Variants in TTC23L observed in about 807,000 individuals in gnomAD.
TTC23L encodes tetratricopeptide repeat protein 23-like.
In TTC23L, 42 loss-of-function variants were observed where a neutral mutation model predicts 48.1. That is an observed-to-expected ratio of 0.87 (90% CI 0.68 to 1.13). The LOEUF (loss-of-function observed/expected upper bound fraction) is 1.13. TTC23L is among the 50% of genes most tolerant of loss of function. The pLI, the probability that TTC23L is intolerant of heterozygous loss-of-function variation, is 0.00. For synonymous variants in TTC23L, 159 were observed against 157.2 expected, an observed-to-expected ratio of 1.01 and a Z score of -0.09; for missense variants, 391 against 421.0, an observed-to-expected ratio of 0.93 and a Z score of 0.62.
At chr5:34,880,893 C>T (rs1378450824) in intron 9 of TTC23L, among the ~76,000 whole-genome samples, 1 of 152,166 alleles carries the variant, frequency 6.6e-6, no homozygotes, top group Non-Finnish European at 1.5e-5. Context: ...CCTGCCTTGG[C>T]CTCCCACAGT....
chr5:34,840,295 G>C (rs574692938), intron 1 of TTC23L, among the ~76,000 whole-genome samples: 1 of 145,520 alleles, frequency 6.9e-6, no homozygotes, highest in African/African-American at 2.6e-5. Flanking sequence ...GTTTACCACT[G>C]AGAGTTGGTT....
chr5:34,891,956 A>AG (rs1322545704), intron 9 of TTC23L, among the ~76,000 whole-genome samples: 29 of 152,236 alleles, frequency 1.9e-4, no homozygotes, highest in African/African-American at 6.0e-4. Flanking sequence ...CCTACCAAGA[A>AG]AGTCCATATA....
intron 8 of TTC23L, among the ~76,000 whole-genome samples, chr5:34,873,557 A>C (rs938481777): frequency 2.6e-5 from 4 of 152,148 alleles, no homozygotes; most frequent in African/African-American, 9.7e-5. Flanking sequence ...AGGGATAAAA[A>C]CACACAGGTT....
At chr5:34,846,109 A>G (rs1432719297) in intron 3 of TTC23L, among the ~76,000 whole-genome samples, 1 of 152,166 alleles carries the variant, frequency 6.6e-6, no homozygotes, top group African/African-American at 2.4e-5. Flanking sequence ...GCTTGTGCCC[A>G]GGAAATTGAG....
At chr5:34,923,293 T>A in the TTC23L span, 1 of 1,346,798 alleles carries the variant, frequency 7.4e-7, no homozygotes, top group Non-Finnish European at 1.1e-6. Context: ...TTTATTTATG[T>A]TTTGAGACAG....
At chr5:34,922,529 T>C in the TTC23L span, 1 of 1,588,152 alleles carries the variant, frequency 6.3e-7, no homozygotes, top group Non-Finnish European at 8.6e-7. Flanking sequence ...GCTTACTCCA[T>C]ATCTTTCAGG....
chr5:34,915,763 C>A, the TTC23L span: 4 of 1,604,006 alleles, frequency 2.5e-6, no homozygotes, highest in East Asian at 2.2e-5. Context: ...GAGGAAACGG[C>A]GTGGAGGCTT....
chr5:34,878,674 A>G (rs1762019016), intron 8 of TTC23L, among the ~76,000 whole-genome samples: 1 of 152,212 alleles, frequency 6.6e-6, no homozygotes, highest in Non-Finnish European at 1.5e-5. Context: ...CTATTATGAA[A>G]AAGACAAAAA....
At chr5:34,865,726 T>G (rs1028315530) in intron 6 of TTC23L, among the ~76,000 whole-genome samples, 1 of 152,170 alleles carries the variant, frequency 6.6e-6, no homozygotes, top group African/African-American at 2.4e-5. Context: ...ATTTAGATAG[T>G]TTTTCATTCT....
At chr5:34,914,029 G>C in the TTC23L span, 9 of 456,328 alleles carry the variant, frequency 2.0e-5, no homozygotes, top group Non-Finnish European at 3.5e-5. Flanking sequence ...CCATGCCCCT[G>C]CATGAGGACA....
chr5:34,894,284 A>G (rs996082319), intron 9 of TTC23L, among the ~76,000 whole-genome samples: 1 of 152,076 alleles, frequency 6.6e-6, no homozygotes, highest in East Asian at 1.9e-4. Flanking sequence ...AAACAATGGG[A>G]AAAAAATGTC....
the TTC23L span, among the ~76,000 whole-genome samples, chr5:34,924,555 GT>G: frequency 2.6e-5 from 4 of 152,236 alleles, no homozygotes; most frequent in South Asian, 8.3e-4. Context: ...TTAAAATCCT[GT>G]TTAACCAGTT....
the TTC23L span, chr5:34,922,840 T>G: frequency 2.1e-6 from 3 of 1,413,306 alleles, no homozygotes; most frequent in South Asian, 3.6e-5. Flanking sequence ...GATATAGTTG[T>G]GTTATTCAAT....
At chr5:34,915,691 G>T in the TTC23L span, 1 of 1,540,704 alleles carries the variant, frequency 6.5e-7, no homozygotes, top group Non-Finnish European at 8.7e-7. Flanking sequence ...AAATAGGAGC[G>T]AGCGGCAGCG....
At chr5:34,920,069 GTTTGT>G in the TTC23L span, 2 of 407,068 alleles carry the variant, frequency 4.9e-6, no homozygotes, top group Non-Finnish European at 8.9e-6. Flanking sequence ...ATTCATTTCT[GTTTGT>G]TTTGTCTGAA....
intron 9 of TTC23L, among the ~76,000 whole-genome samples, chr5:34,887,694 G>T (rs1157000527): frequency 2.6e-5 from 4 of 152,122 alleles, no homozygotes; most frequent in Admixed American, 2.0e-4. Flanking sequence ...CTCTTAGAAC[G>T]CAGAGTGAAA....
At chr5:34,879,299 T>C (rs535724383) in intron 8 of TTC23L, among the ~76,000 whole-genome samples, 2 of 152,326 alleles carry the variant, frequency 1.3e-5, no homozygotes, top group East Asian at 3.9e-4. Flanking sequence ...GTAACAGAAT[T>C]GCACTTGTAC....
chr5:34,843,982 TAAAA>T (rs201569717), intron 2 of TTC23L, among the ~76,000 whole-genome samples: 2 of 151,330 alleles, frequency 1.3e-5, no homozygotes, highest in Non-Finnish European at 2.9e-5. Context: ...CAAACAACAA[TAAAA>T]AAAAATCACA....
the TTC23L span, among the ~76,000 whole-genome samples, chr5:34,904,484 C>A: frequency 6.6e-6 from 1 of 151,084 alleles, no homozygotes; most frequent in Admixed American, 6.6e-5. Flanking sequence ...GTCCCAACTA[C>A]TCGGGAGGCT....
Sources: gnomAD v4.1 joint callset for allele counts (sites outside exome capture counted in the v4.1 genomes callset) on GRCh38, gnomAD v4.1.1 for gene constraint, MANE v1.5 for transcripts, NCBI Gene and HGNC (gene_info 2026-07-23, HGNC 2026-07-21) for gene names.